Variants in CCDC102B observed in about 807,000 individuals in gnomAD.
CCDC102B encodes the protein coiled-coil domain-containing protein 102B.
A neutral mutation model predicts 57.4 loss-of-function variants in CCDC102B; 75 were observed. The observed-to-expected ratio is 1.31, with a 90% CI of 1.08 to 1.58. The LOEUF is 1.58. CCDC102B is among the 40% of genes most tolerant of loss of function. The probability of loss-of-function intolerance (pLI) is 0.00; values close to 1 mark genes in which losing one functional copy is unlikely to be tolerated. For synonymous variants in CCDC102B, 206 were observed against 201.9 expected (o/e 1.02, Z -0.17); for missense variants, 636 against 582.6 (o/e 1.09, Z -0.94).
intron 1 of CCDC102B, among the ~76,000 whole-genome samples, chr18:68,820,334 TG>T (rs2036644191): frequency 6.6e-6 from 1 of 152,148 alleles, no homozygotes; most frequent in African/African-American, 2.4e-5. Context: ...TTTGTTAACA[TG>T]GTTTATTAAG....
intron 6 of CCDC102B, among the ~76,000 whole-genome samples, chr18:68,926,584 T>C (rs960412167): frequency 6.6e-6 from 1 of 151,910 alleles, no homozygotes; most frequent in Admixed American, 6.6e-5. Context: ...AGTTAAGGGA[T>C]GTCTGATTGT....
chr18:68,878,133 G>C (rs1304039066), intron 5 of CCDC102B, among the ~76,000 whole-genome samples: 1 of 152,284 alleles, frequency 6.6e-6, no homozygotes, highest in East Asian at 1.9e-4. Context: ...GTCTCACTCT[G>C]TCACCTAAGC....
At chr18:68,719,567 C>T (rs1218198230) in intron 2 of CCDC102B, among the ~76,000 whole-genome samples, 2 of 152,160 alleles carry the variant, frequency 1.3e-5, no homozygotes, top group African/African-American at 4.8e-5. Flanking sequence ...TTGTTCTCTT[C>T]AGGCTTTCAA....
At chr18:69,009,233 T>C (rs901823618) in intron 6 of CCDC102B, among the ~76,000 whole-genome samples, 8 of 152,208 alleles carry the variant, frequency 5.3e-5, no homozygotes, top group African/African-American at 1.9e-4. Flanking sequence ...ATTTTTTTAA[T>C]TAAGCTTTTT....
rs1277374650 is a variant in CCDC102B at position 68,956,472 on chromosome 18, T to A, written c.1264-54462T>A. The stretch of plus-strand genomic sequence containing the variant: ...ATATATTATATATTTTATATATATA[T>A]TATATATATATAATATATATATAAA... On this transcript the variant is annotated intron_variant, in intron 6 of 7. Transcript: ENST00000360242. 2.8e-4 allele frequency among the ~76,000 whole-genome samples: 19 copies of A among 66,732 alleles called. 4 individuals are homozygous for A. Among genetic ancestry groups the A allele is most frequent in the African/African-American group, 1.7e-3 (18 of 10,342 alleles). The allele number at this position is 66,732 out of a possible 152,430, so 43.8% of individuals were successfully genotyped here. A position where few individuals can be genotyped will look rare whatever the true frequency, so the allele number is the denominator to read the frequency against.
At chr18:68,722,716 C>G (rs1371515419) in intron 2 of CCDC102B, among the ~76,000 whole-genome samples, 23 of 152,080 alleles carry the variant, frequency 1.5e-4, no homozygotes. Flanking sequence ...TGAAATTTTT[C>G]AGGAAGCGAG....
At chr18:68,933,242 C>T (rs1043797751) in intron 6 of CCDC102B, among the ~76,000 whole-genome samples, 2 of 151,826 alleles carry the variant, frequency 1.3e-5, no homozygotes, top group African/African-American at 4.8e-5. Context: ...ATGACTCCAG[C>T]ACAAATCTGA....
chr18:68,961,355 T>TA (rs1220682840), intron 6 of CCDC102B, among the ~76,000 whole-genome samples: 2 of 151,916 alleles, frequency 1.3e-5, no homozygotes, highest in Admixed American at 1.3e-4. Flanking sequence ...GAAACAAGAA[T>TA]AAAAAAATTT....
chr18:68,899,710 G>C (rs565708668), intron 6 of CCDC102B: 2 of 152,124 alleles, frequency 1.3e-5, no homozygotes, highest in East Asian at 3.9e-4. Context: ...AATATGTTAG[G>C]TTTTAATATT....
chr18:68,837,440 T>G (rs2037434195), intron 2 of CCDC102B, 71 bp downstream of exon 2: 1 of 1,427,402 alleles, frequency 7.0e-7, no homozygotes, highest in Non-Finnish European at 9.5e-7. Context: ...AAGAAGGAAG[T>G]GACAAATGCA....
At position 69,052,743 on chromosome 18, in the gene CCDC102B, C is replaced by T. The variant is rs1020028346; in HGVS notation, c.1435-1287C>T. ...CTACCCAGTTGGCCCTCCATATCCA[C>T]GGATTCCACATTATTGGAATCAACC... On this transcript the variant is annotated intron_variant, in intron 7 of 7. Coordinates refer to ENST00000360242, the MANE Select transcript of CCDC102B (RefSeq NM_024781.3). 7.2e-5 allele frequency among the ~76,000 whole-genome samples: 11 copies of T among 151,848 alleles called. No individual in the cohort carries two copies. The South Asian group carries it at 1.9e-3, about 26-fold the overall frequency.
Position 68,839,024 on chromosome 18 carries a change from C to T in CCDC102B, c.827+98C>T, listed in dbSNP as rs779090600. 5.1e-6 allele frequency: 5 copies of T among 971,306 alleles called. No homozygotes were observed. The African/African-American group carries it at 8.1e-5, about 16-fold the overall frequency. 60.2% of individuals were successfully genotyped at this position (971,306 alleles called of 1,614,324 possible). The stretch of plus-strand genomic sequence containing the variant: ...TTGGTCATTTGATAATGTATTTTAT[C>T]CATGTTTAGTCATTAAGTTTTAGGA... On this transcript the variant is annotated intron_variant, in intron 3 of 7. Coordinates refer to ENST00000360242, the MANE Select transcript of CCDC102B (RefSeq NM_024781.3).
intron 6 of CCDC102B, among the ~76,000 whole-genome samples, chr18:68,979,142 T>G (rs1021279145): frequency 3.9e-5 from 6 of 152,080 alleles, no homozygotes; most frequent in Non-Finnish European, 8.8e-5. Context: ...GGCTGTTCAC[T>G]TTTTAACAGT....
intron 1 of CCDC102B, among the ~76,000 whole-genome samples, chr18:68,800,349 G>A (rs958373490): frequency 3.3e-5 from 5 of 152,100 alleles, no homozygotes; most frequent in Admixed American, 3.3e-4. Context: ...GAGGTCGTGA[G>A]ACAACAGCCC....
At chr18:68,766,518 G>A (rs573105454) in intron 2 of CCDC102B, among the ~76,000 whole-genome samples, 4 of 152,244 alleles carry the variant, frequency 2.6e-5, no homozygotes, top group Non-Finnish European at 4.4e-5. Context: ...TTAAGTATTC[G>A]TTATATCTGG....
At chr18:68,974,125 C>T (rs1179042876) in intron 6 of CCDC102B, among the ~76,000 whole-genome samples, 1 of 152,066 alleles carries the variant, frequency 6.6e-6, no homozygotes, top group Non-Finnish European at 1.5e-5. Context: ...CTCCAGATTT[C>T]ATGTTGAAAC....
At chr18:68,793,862 A>T (rs571237961), upstream of CCDC102B, among the ~76,000 whole-genome samples, 1 of 152,176 alleles carries the variant, frequency 6.6e-6, no homozygotes, top group African/African-American at 2.4e-5. Flanking sequence ...AACTTTTTCT[A>T]TTGGAATCAG....
chr18:68,933,934 G>A (rs917807907), intron 6 of CCDC102B, among the ~76,000 whole-genome samples: 1 of 151,852 alleles, frequency 6.6e-6, no homozygotes, highest in Non-Finnish European at 1.5e-5. Flanking sequence ...GACAGGCCGG[G>A]AGAGGTATTT....
chr18:69,057,146 C>A (rs1365521377), downstream of CCDC102B, among the ~76,000 whole-genome samples: 1 of 152,002 alleles, frequency 6.6e-6, no homozygotes, highest in Non-Finnish European at 1.5e-5. Context: ...TTTCACTGTC[C>A]ACTTGTCCAT....
Sources: gnomAD v4.1 joint callset for allele counts (sites outside exome capture counted in the v4.1 genomes callset) on GRCh38, gnomAD v4.1.1 for gene constraint, MANE v1.5 for transcripts, NCBI Gene and HGNC (gene_info 2026-07-23, HGNC 2026-07-21) for gene names.